The following RAD51B variants were observed in gnomAD, a reference collection of about 807,000 sequenced individuals.
The protein encoded by RAD51B is RAD51 paralog B.
A neutral mutation model predicts 42.2 loss-of-function variants in RAD51B; 38 were observed. That is an observed-to-expected ratio of 0.90 (90% CI 0.70 to 1.18). The LOEUF (loss-of-function observed/expected upper bound fraction) is 1.18, where lower values mean the gene tolerates loss of function less well. Among genes scored for constraint, RAD51B ranks in the 50% most tolerant of loss-of-function variants. RAD51B has a pLI of 0.00. For missense variants in RAD51B, 373 were observed against 400.7 expected, an observed-to-expected ratio of 0.93 and a Z score of 0.59; for synonymous variants, 154 against 145.2, an observed-to-expected ratio of 1.06 and a Z score of -0.43.
At chr14:68,090,009 A>G (rs989821656) in intron 7 of RAD51B, among the ~76,000 whole-genome samples, 2 of 152,176 alleles carry the variant, frequency 1.3e-5, no homozygotes, top group Admixed American at 6.5e-5. Context: ...AGTGCTATAA[A>G]AAACTGAGTT....
At chr14:68,303,376 G>A (rs2081787042) in intron 8 of RAD51B, among the ~76,000 whole-genome samples, 1 of 151,410 alleles carries the variant, frequency 6.6e-6, no homozygotes, top group South Asian at 2.1e-4. Context: ...GTTGACGGGT[G>A]CAGCAAACCA....
At chr14:68,142,339 T>C (rs1276476933) in intron 7 of RAD51B, among the ~76,000 whole-genome samples, 1 of 152,214 alleles carries the variant, frequency 6.6e-6, no homozygotes, top group African/African-American at 2.4e-5. Flanking sequence ...CTTTAAGGGT[T>C]ACGTATTTCT....
At chr14:67,899,244 T>TTTC (rs1451688510) in intron 7 of RAD51B, among the ~76,000 whole-genome samples, 45 of 151,664 alleles carry the variant, frequency 3.0e-4, no homozygotes, top group Admixed American at 2.8e-3. Flanking sequence ...AGAGACGGGG[T>TTTC]TTCACCATGT....
At chr14:68,680,032 A>G (rs1893393954) in intron 11 of RAD51B, among the ~76,000 whole-genome samples, 1 of 152,184 alleles carries the variant, frequency 6.6e-6, no homozygotes, top group East Asian at 1.9e-4. Context: ...TTTTTTTTCC[A>G]TATGAGCCAC....
intron 7 of RAD51B, among the ~76,000 whole-genome samples, chr14:68,243,861 T>TG (rs2080441080): frequency 6.6e-6 from 1 of 152,198 alleles, no homozygotes; most frequent in Admixed American, 6.5e-5. Flanking sequence ...CCCAATCTAA[T>TG]TATATGTTGA....
intron 10 of RAD51B, among the ~76,000 whole-genome samples, chr14:68,578,796 G>A (rs1890082093): frequency 6.6e-6 from 1 of 152,230 alleles, no homozygotes; most frequent in Non-Finnish European, 1.5e-5. Flanking sequence ...CAGACAGAGA[G>A]GTGACAAGAC....
chr14:68,673,794 G>A (rs1201326721), intron 11 of RAD51B, among the ~76,000 whole-genome samples: 2 of 148,622 alleles, frequency 1.3e-5, no homozygotes, highest in East Asian at 3.9e-4. Context: ...CATACTATAT[G>A]CACACATATA....
chr14:68,164,583 T>A (rs1358951778), intron 7 of RAD51B, among the ~76,000 whole-genome samples: 1 of 152,210 alleles, frequency 6.6e-6, no homozygotes, highest in Non-Finnish European at 1.5e-5. Context: ...TTGTGGAGTG[T>A]GGTGGGAACC....
chr14:68,153,561 G>A, intron 7 of RAD51B, among the ~76,000 whole-genome samples: 1 of 152,080 alleles, frequency 6.6e-6, no homozygotes, highest in Middle Eastern at 3.4e-3. Context: ...TCTCATTGTG[G>A]TTTTGATTTG....
intron 10 of RAD51B, among the ~76,000 whole-genome samples, chr14:68,630,275 G>A (rs1185554015): frequency 6.6e-6 from 1 of 152,142 alleles, no homozygotes; most frequent in Non-Finnish European, 1.5e-5. Flanking sequence ...TGAGCCTCCG[G>A]AGGAATTTCT....
chr14:68,566,554 A>G (rs1889429787), intron 10 of RAD51B, among the ~76,000 whole-genome samples: 1 of 152,146 alleles, frequency 6.6e-6, no homozygotes, highest in Admixed American at 6.5e-5. Flanking sequence ...CTCAGGAAGC[A>G]CTATAGGATC....
At chr14:68,271,140 A>T (rs1278052983) in intron 7 of RAD51B, among the ~76,000 whole-genome samples, 4 of 152,194 alleles carry the variant, frequency 2.6e-5, no homozygotes, top group Non-Finnish European at 5.9e-5. Context: ...TCACTTTCTA[A>T]CATACTGTAT....
intron 7 of RAD51B, among the ~76,000 whole-genome samples, chr14:68,082,971 A>G (rs1251945077): frequency 6.6e-6 from 1 of 152,160 alleles, no homozygotes; most frequent in African/African-American, 2.4e-5. Flanking sequence ...CCTAAGGTAA[A>G]ACCTATATAT....
intron 7 of RAD51B, among the ~76,000 whole-genome samples, chr14:67,937,595 G>A (rs984933237): frequency 5.3e-5 from 8 of 152,190 alleles, no homozygotes; most frequent in Non-Finnish European, 1.2e-4. Context: ...AAGGCAGGTA[G>A]AGAAAATGAA....
chr14:68,632,218 G>T (rs576326416), intron 10 of RAD51B, among the ~76,000 whole-genome samples: 2 of 152,232 alleles, frequency 1.3e-5, no homozygotes, highest in Non-Finnish European at 2.9e-5. Flanking sequence ...AGTGTCTGGA[G>T]CTTCACATCC....
At chr14:68,449,123 A>C (rs2085493839) in intron 9 of RAD51B, among the ~76,000 whole-genome samples, 1 of 152,240 alleles carries the variant, frequency 6.6e-6, no homozygotes, top group Non-Finnish European at 1.5e-5. Context: ...ACAGGAATGC[A>C]GTTAAGAGGA....
chr14:67,924,003 T>C (rs1244700657), intron 7 of RAD51B, among the ~76,000 whole-genome samples: 2 of 152,250 alleles, frequency 1.3e-5, no homozygotes, highest in Non-Finnish European at 2.9e-5. Flanking sequence ...TTTCATATGC[T>C]TGTCGGCCAT....
At chr14:68,334,129 A>G (rs2082401164) in intron 8 of RAD51B, among the ~76,000 whole-genome samples, 1 of 152,120 alleles carries the variant, frequency 6.6e-6, no homozygotes, top group African/African-American at 2.4e-5. Context: ...TTATGGCTGA[A>G]TAGTAGAGTC....
intron 7 of RAD51B, among the ~76,000 whole-genome samples, chr14:68,205,295 A>C (rs1336865854): frequency 1.3e-5 from 2 of 152,206 alleles, no homozygotes; most frequent in Non-Finnish European, 2.9e-5. Flanking sequence ...GATGTTTTTG[A>C]ATAGACAAAG....
Sources: allele counts gnomAD v4.1 joint callset (sites outside exome capture counted in the v4.1 genomes callset), GRCh38; gene constraint gnomAD v4.1.1; transcripts MANE v1.5; gene names NCBI Gene and HGNC (gene_info 2026-07-23, HGNC 2026-07-21).